Variants in ZC3H12B observed in about 807,000 individuals in gnomAD.
ZC3H12B encodes probable ribonuclease ZC3H12B.
Under a neutral mutation model 43.9 loss-of-function variants are expected in ZC3H12B, and 7 were observed. The observed-to-expected ratio is 0.16, with a 90% CI of 0.09 to 0.30. ZC3H12B has a LOEUF of 0.30. Ranked by LOEUF, ZC3H12B falls within the 10% of genes least tolerant of loss-of-function variation. The probability of loss-of-function intolerance (pLI) is 1.00; values close to 1 mark genes in which losing one functional copy is unlikely to be tolerated. For missense variants in ZC3H12B, 475 were observed against 670.2 expected, an observed-to-expected ratio of 0.71 and a Z score of 3.22; for synonymous variants, 222 against 241.7, an observed-to-expected ratio of 0.92 and a Z score of 0.76.
intron 3 of ZC3H12B, among the ~76,000 whole-genome samples, chrX:65,445,563 T>A (rs1410623971): frequency 1.8e-5 from 2 of 112,662 alleles, no homozygotes; most frequent in Non-Finnish European, 3.7e-5. Context: ...CAAACATCTC[T>A]AAGGCCACTA....
At chrX:65,418,124 G>T (rs2066981081) in intron 3 of ZC3H12B, among the ~76,000 whole-genome samples, 1 of 111,753 alleles carries the variant, frequency 8.9e-6, no homozygotes, top group Non-Finnish European at 1.9e-5. Flanking sequence ...TTAATACAAA[G>T]AAGCTATAGC....
chrX:65,248,423 G>T, the ZC3H12B span, among the ~76,000 whole-genome samples: 25 of 111,512 alleles, frequency 2.2e-4, no homozygotes, highest in Admixed American at 2.2e-3. Flanking sequence ...ATGTAGTCTT[G>T]GAATAAGAAC....
At chrX:65,293,764 C>T in the ZC3H12B span, among the ~76,000 whole-genome samples, 6 of 110,586 alleles carry the variant, frequency 5.4e-5, no homozygotes, top group Non-Finnish European at 9.5e-5. Context: ...CATCAGAGTT[C>T]GAAGACAAGG....
rs770510034 is a variant in ZC3H12B at position 65,376,228 on chromosome X, C to G, written n.295+7230C>G. Among the ~76,000 whole-genome samples, 13 of 112,252 alleles carry G rather than the reference C, an allele frequency of 1.2e-4. No individual in the cohort carries two copies. The South Asian group carries it at 4.8e-3, about 41-fold the overall frequency. Reference sequence around the variant, plus strand: ...CTTCCTGTGGAGAGGATAGGGAAAGCATCTCATTGAGCACCAACTCAGCCA... The same window carrying G: ...CTTCCTGTGGAGAGGATAGGGAAAGGATCTCATTGAGCACCAACTCAGCCA... On this transcript the variant is annotated intron_variant and non_coding_transcript_variant, in intron 2 of 5. Transcript: ENST00000617377.
At chrX:65,113,308 A>G in the ZC3H12B span, among the ~76,000 whole-genome samples, 3 of 112,008 alleles carry the variant, frequency 2.7e-5, no homozygotes, top group Non-Finnish European at 3.8e-5. Flanking sequence ...TTGAAATGAC[A>G]ACAAAAGATT....
chrX:65,263,347 G>T, the ZC3H12B span, among the ~76,000 whole-genome samples: 1 of 111,075 alleles, frequency 9.0e-6, no homozygotes, highest in Non-Finnish European at 1.9e-5. Flanking sequence ...ATTGTGCTTA[G>T]TAGGGAGAGT....
the ZC3H12B span, among the ~76,000 whole-genome samples, chrX:65,103,058 A>G: frequency 9.0e-6 from 1 of 111,421 alleles, no homozygotes; most frequent in Non-Finnish European, 1.9e-5. Flanking sequence ...TTATCAGGAG[A>G]CAGGGTTTGA....
chrX:65,477,016 T>C (rs2068001528), intron 3 of ZC3H12B, among the ~76,000 whole-genome samples: 1 of 103,783 alleles, frequency 9.6e-6, no homozygotes, highest in Non-Finnish European at 2.0e-5. Context: ...GTATTTTTTG[T>C]AGAGATGCAG....
At chrX:65,294,840 C>T in the ZC3H12B span, among the ~76,000 whole-genome samples, 6 of 110,901 alleles carry the variant, frequency 5.4e-5, no homozygotes, top group African/African-American at 2.0e-4. Context: ...CAGGAGCTTT[C>T]AAATCTACAA....
intron 3 of ZC3H12B, among the ~76,000 whole-genome samples, chrX:65,445,307 T>C (rs2067360874): frequency 8.9e-6 from 1 of 112,104 alleles, no homozygotes; most frequent in Admixed American, 9.5e-5. Context: ...CTTAGGCATT[T>C]ATTGTAATCT....
chrX:65,456,962 T>C (rs2067626909), intron 3 of ZC3H12B, among the ~76,000 whole-genome samples: 1 of 96,933 alleles, frequency 1.0e-5, no homozygotes, highest in Admixed American at 1.1e-4. Context: ...GTGAGGAGCG[T>C]CTCTGCCTGG....
the ZC3H12B span, among the ~76,000 whole-genome samples, chrX:65,160,023 T>C: frequency 8.9e-6 from 1 of 112,310 alleles, no homozygotes. Flanking sequence ...GAGATAATCA[T>C]GTGGTTTTTG....
chrX:65,089,722 A>G, the ZC3H12B span, among the ~76,000 whole-genome samples: 9 of 112,511 alleles, frequency 8.0e-5, no homozygotes, highest in African/African-American at 2.3e-4. Context: ...GCTGTACAAA[A>G]TATTTCCTTT....
chrX:65,490,679 CCTT>C (rs1164468857), intron 1 of ZC3H12B, among the ~76,000 whole-genome samples: 1 of 110,645 alleles, frequency 9.0e-6, no homozygotes, highest in African/African-American at 3.3e-5. Context: ...CATAGGAATC[CCTT>C]CTTCTATTTC....
the ZC3H12B span, among the ~76,000 whole-genome samples, chrX:65,221,502 G>C: frequency 9.0e-6 from 1 of 111,142 alleles, no homozygotes; most frequent in South Asian, 3.7e-4. Flanking sequence ...AATACAAAAT[G>C]GGAGATAATA....
At chrX:65,307,855 T>C in the ZC3H12B span, among the ~76,000 whole-genome samples, 7 of 111,971 alleles carry the variant, frequency 6.3e-5, no homozygotes, top group Non-Finnish European at 1.1e-4. Flanking sequence ...CACATTTCTG[T>C]ATGGGACAAA....
the ZC3H12B span, among the ~76,000 whole-genome samples, chrX:65,251,259 G>A: frequency 2.7e-5 from 3 of 111,117 alleles, no homozygotes; most frequent in African/African-American, 9.8e-5. Flanking sequence ...GATGTGTGGC[G>A]TTATTTCTGA....
chrX:65,189,544 C>G, the ZC3H12B span, among the ~76,000 whole-genome samples: 1 of 108,743 alleles, frequency 9.2e-6, no homozygotes, highest in Non-Finnish European at 1.9e-5. Context: ...TCTCTGATGA[C>G]CAGTGATGAT....
At chrX:65,460,460 A>G (rs1002505741) in intron 3 of ZC3H12B, among the ~76,000 whole-genome samples, 1 of 112,005 alleles carries the variant, frequency 8.9e-6, no homozygotes, top group Admixed American at 9.5e-5. Context: ...TTCAAACTAT[A>G]CTACAAGGCT....
Sources: allele counts gnomAD v4.1 joint callset (sites outside exome capture counted in the v4.1 genomes callset), GRCh38; gene constraint gnomAD v4.1.1; transcripts MANE v1.5; gene names NCBI Gene and HGNC (gene_info 2026-07-23, HGNC 2026-07-21).